Variants in RAP1A observed in about 807,000 individuals in gnomAD.
RAP1A encodes ras-related protein Rap-1A.
RAP1A carries 6 observed loss-of-function variants against 26.4 expected under a neutral mutation model. The observed-to-expected ratio is 0.23, with a 90% confidence interval of 0.12 to 0.45. The LOEUF (loss-of-function observed/expected upper bound fraction) is 0.45, where lower values mean the gene tolerates loss of function less well. RAP1A is among the 20% of genes least tolerant of loss of function. The probability of loss-of-function intolerance (pLI) is 0.99; values close to 1 mark genes in which losing one functional copy is unlikely to be tolerated. For missense variants in RAP1A, 121 were observed against 217.2 expected (o/e 0.56, Z 2.78); for synonymous variants, 73 against 79.4 (o/e 0.92, Z 0.43).
At chr1:111,634,609 ATATG>A (rs1282799955) in intron 1 of RAP1A, among the ~76,000 whole-genome samples, 3 of 150,586 alleles carry the variant, frequency 2.0e-5, no homozygotes, top group African/African-American at 4.9e-5. Context: ...TTATATATAT[ATATG>A]TATGTATGTA....
intron 1 of RAP1A, among the ~76,000 whole-genome samples, chr1:111,545,898 T>C (rs370987551): frequency 3.9e-5 from 6 of 152,280 alleles, no homozygotes; most frequent in African/African-American, 1.4e-4. Flanking sequence ...CCCGGAACAG[T>C]CTTGGAAACC....
chr1:111,626,988 G>A (rs146405124), intron 1 of RAP1A, among the ~76,000 whole-genome samples: 144 of 152,302 alleles, frequency 9.5e-4, no homozygotes, highest in African/African-American at 3.2e-3. Flanking sequence ...ATAGAAGCTG[G>A]TAACAAGTCT....
chr1:111,648,076 T>C (rs1660128783), intron 1 of RAP1A, among the ~76,000 whole-genome samples: 1 of 152,064 alleles, frequency 6.6e-6, no homozygotes, highest in Non-Finnish European at 1.5e-5. Flanking sequence ...TTAAATTTTA[T>C]TTATTTATTT....
chr1:111,662,719 T>C (rs545697328), intron 1 of RAP1A, among the ~76,000 whole-genome samples: 1 of 135,746 alleles, frequency 7.4e-6, no homozygotes, highest in African/African-American at 2.5e-5. Context: ...AAAAAAGCAT[T>C]AAGCTTCTGT....
chr1:111,702,585 G>A lies in RAP1A; in HGVS notation c.184-751G>A, dbSNP rs182555851. ...AACAAGCTCTTTTTTTTTTTTTTCCGAGACAGAGTTTCACTCTTGTTGCCC... is the reference window on the plus strand; with the variant it reads ...AACAAGCTCTTTTTTTTTTTTTTCCAAGACAGAGTTTCACTCTTGTTGCCC... On this transcript the variant is annotated intron_variant, in intron 4 of 7. Transcript: ENST00000369709. Among the ~76,000 whole-genome samples, 62 of 148,002 alleles carry A rather than the reference G, an allele frequency of 4.2e-4. No homozygotes were observed. In the East Asian group the frequency reaches 0.011, roughly 27 times the overall value.
intron 1 of RAP1A, among the ~76,000 whole-genome samples, chr1:111,574,950 T>C (rs1658116407): frequency 6.6e-6 from 1 of 152,182 alleles, no homozygotes; most frequent in Non-Finnish European, 1.5e-5. Context: ...GACTCCAAAA[T>C]AAAAATCCAC....
At chr1:111,556,589 A>G (rs1657500836) in intron 1 of RAP1A, among the ~76,000 whole-genome samples, 1 of 152,220 alleles carries the variant, frequency 6.6e-6, no homozygotes, top group Admixed American at 6.5e-5. Flanking sequence ...AGGAAATTCC[A>G]ACACAAGCTA....
chr1:111,635,166 G>C (rs897317581), intron 1 of RAP1A, among the ~76,000 whole-genome samples: 1 of 152,088 alleles, frequency 6.6e-6, no homozygotes, highest in Non-Finnish European at 1.5e-5. Context: ...CATTTTCTGG[G>C]CATGGGGATG....
intron 3 of RAP1A, among the ~76,000 whole-genome samples, chr1:111,695,791 T>A (rs80272591): frequency 0.049 from 7,467 of 152,278 alleles, 236 homozygotes; most frequent in South Asian, 0.086. Flanking sequence ...GTTTTATAAG[T>A]TTAAAGATAT....
intron 1 of RAP1A, among the ~76,000 whole-genome samples, chr1:111,548,629 T>C (rs149420170): frequency 5.9e-4 from 90 of 152,346 alleles, no homozygotes; most frequent in African/African-American, 2.0e-3. Flanking sequence ...TCGTTGATCC[T>C]CTTCAATTAG....
In RAP1A at chr1:111,688,437, C is replaced by T. The variant is rs151140232; in HGVS notation, c.-27-2897C>T. On this transcript the variant is annotated intron_variant, in intron 1 of 7. Transcript: ENST00000369709. ...CAGGTTCAAGCGATTCTCCTGCTTC[C>T]GCCTCCCAAGTAGCTGAGACGACAG... 0.011 allele frequency among the ~76,000 whole-genome samples: 1,609 copies of T among 151,258 alleles called. 58 individuals carry two copies. In the East Asian group the frequency reaches 0.11, roughly 10 times the overall value.
At chr1:111,610,567 CA>C (rs1235838475) in intron 1 of RAP1A, among the ~76,000 whole-genome samples, 6 of 151,454 alleles carry the variant, frequency 4.0e-5, no homozygotes, top group East Asian at 1.9e-4. Flanking sequence ...CACACACACA[CA>C]CACACACACA....
rs1330178874 is a variant in RAP1A, at chr1:111,566,817, G to C, written c.-28+24308G>C. Among the ~76,000 whole-genome samples, 4 of 151,706 alleles carry C rather than the reference G, an allele frequency of 2.6e-5. No homozygotes were observed. The East Asian group carries it at 5.8e-4, about 22-fold the overall frequency. Reference sequence around the variant, plus strand: ...TCACACTCCATCTCAGCAACCCAGGGGCGTGCCCAGGTTTTGTGGAGCCTA... The same window carrying C: ...TCACACTCCATCTCAGCAACCCAGGCGCGTGCCCAGGTTTTGTGGAGCCTA... On this transcript the variant is annotated intron_variant, in intron 1 of 7. Coordinates refer to the RAP1A transcript ENST00000356415.
At chr1:111,565,797 G>A (rs1657904961) in intron 1 of RAP1A, among the ~76,000 whole-genome samples, 1 of 151,962 alleles carries the variant, frequency 6.6e-6, no homozygotes, top group African/African-American at 2.4e-5. Flanking sequence ...CAAAAAATGT[G>A]GCTACTACAA....
chr1:111,574,712 G>T (rs1263661545), intron 1 of RAP1A, among the ~76,000 whole-genome samples: 1 of 152,208 alleles, frequency 6.6e-6, no homozygotes, highest in African/African-American at 2.4e-5. Flanking sequence ...AACTAGTAAA[G>T]TCCCAGACAA....
In RAP1A at chr1:111,555,633, C is replaced by T. The variant is rs80310840; in HGVS notation, c.-28+13124C>T. ...GGTATGTATGTATCTATTCACCTTC[C>T]CAAAAGAGGGATTAAAAAGGTAATA... is the stretch of plus-strand genomic sequence containing the variant. On this transcript the variant is annotated intron_variant, in intron 1 of 7. Coordinates refer to the RAP1A transcript ENST00000356415. 9.4e-4 allele frequency among the ~76,000 whole-genome samples: 142 copies of T among 151,804 alleles called. 2 individuals carry two copies. In the East Asian group the frequency reaches 0.026, roughly 28 times the overall value.
At chr1:111,678,135 A>G (rs999027913) in intron 1 of RAP1A, among the ~76,000 whole-genome samples, 1 of 152,026 alleles carries the variant, frequency 6.6e-6, no homozygotes, top group Non-Finnish European at 1.5e-5. Flanking sequence ...GCATTTTCAT[A>G]TAAGTTTTAA....
At chr1:111,691,451 T>A in intron 2 of RAP1A, 34 bp downstream of exon 2, 1 of 1,560,564 alleles carries the variant, frequency 6.4e-7, no homozygotes, top group Non-Finnish European at 8.8e-7. Flanking sequence ...CTGATTAATA[T>A]AATACAAGAA....
intron 1 of RAP1A, among the ~76,000 whole-genome samples, chr1:111,556,601 G>A (rs923357906): frequency 2.6e-5 from 4 of 152,146 alleles, no homozygotes; most frequent in Non-Finnish European, 4.4e-5. Context: ...CACAAGCTAC[G>A]ACATGGATGA....
Sources: allele counts gnomAD v4.1 joint callset (sites outside exome capture counted in the v4.1 genomes callset), GRCh38; gene constraint gnomAD v4.1.1; transcripts MANE v1.5; gene names NCBI Gene and HGNC (gene_info 2026-07-23, HGNC 2026-07-21).